Variants in EMCN observed in about 807,000 individuals in gnomAD.
EMCN encodes the protein endomucin, also known as MUC-14.
In EMCN, 37 loss-of-function variants were observed where a neutral mutation model predicts 38.4. That is an observed-to-expected ratio of 0.96 (90% CI 0.74 to 1.27). EMCN has a LOEUF of 1.27. Among genes scored for constraint, EMCN ranks in the 50% most tolerant of loss-of-function variants. The probability of loss-of-function intolerance (pLI) is 0.00; values close to 1 mark genes in which losing one functional copy is unlikely to be tolerated. For synonymous variants in EMCN, 95 were observed against 100.8 expected, an observed-to-expected ratio of 0.94 and a Z score of 0.35; for missense variants, 318 against 302.8, an observed-to-expected ratio of 1.05 and a Z score of -0.37.
At chr4:100,493,570 A>C (rs1411531818) in intron 1 of EMCN, among the ~76,000 whole-genome samples, 1 of 152,214 alleles carries the variant, frequency 6.6e-6, no homozygotes. Context: ...TGATTTACCC[A>C]TCTATGCTAC....
chr4:100,427,008 T>A (rs1727065591), intron 5 of EMCN, among the ~76,000 whole-genome samples: 1 of 152,112 alleles, frequency 6.6e-6, no homozygotes, highest in African/African-American at 2.4e-5. Flanking sequence ...ATTTTTTTTT[T>A]AGTTAAAAGA....
chr4:100,487,818 C>T (rs920966316), intron 1 of EMCN, among the ~76,000 whole-genome samples: 1 of 152,198 alleles, frequency 6.6e-6, no homozygotes, highest in Admixed American at 6.5e-5. Flanking sequence ...GTCCATTAAA[C>T]CTCTTTTCTT....
chr4:100,495,431 C>T (rs1368531741), intron 1 of EMCN, among the ~76,000 whole-genome samples: 2 of 151,962 alleles, frequency 1.3e-5, no homozygotes, highest in Non-Finnish European at 2.9e-5. Context: ...TCAATGCAGC[C>T]TCAATATACT....
chr4:100,490,181 A>C (rs1447904831), intron 1 of EMCN, among the ~76,000 whole-genome samples: 1 of 151,490 alleles, frequency 6.6e-6, no homozygotes, highest in Non-Finnish European at 1.5e-5. Flanking sequence ...AAGTAAAAAA[A>C]AAAAAAAAGA....
At chr4:100,450,013 A>G (rs934141471) in intron 4 of EMCN, among the ~76,000 whole-genome samples, 1 of 152,080 alleles carries the variant, frequency 6.6e-6, no homozygotes, top group African/African-American at 2.4e-5. Context: ...AAAGCTTAGT[A>G]AAGATGAATG....
At chr4:100,411,585 A>G (rs1368805672) in intron 10 of EMCN, among the ~76,000 whole-genome samples, 2 of 152,088 alleles carry the variant, frequency 1.3e-5, no homozygotes, top group South Asian at 2.1e-4. Context: ...ACACATATCT[A>G]GTGAAAAAAA....
intron 1 of EMCN, chr4:100,483,244 G>C (rs979275478): frequency 1.3e-5 from 2 of 152,086 alleles, no homozygotes; most frequent in Non-Finnish European, 2.9e-5. Flanking sequence ...GGCTCAAAAA[G>C]GGTAAACAGT....
intron 8 of EMCN, among the ~76,000 whole-genome samples, chr4:100,417,741 C>G (rs546824355): frequency 1.3e-5 from 2 of 152,250 alleles, no homozygotes; most frequent in Admixed American, 1.3e-4. Context: ...TAGAAAACAC[C>G]TGGGGTTTAG....
intron 10 of EMCN, among the ~76,000 whole-genome samples, chr4:100,411,636 T>G (rs1726556042): frequency 6.6e-6 from 1 of 152,216 alleles, no homozygotes; most frequent in Admixed American, 6.5e-5. Context: ...AGTGGTTGTA[T>G]GAAGATTGTT....
intron 1 of EMCN, among the ~76,000 whole-genome samples, chr4:100,480,805 A>T (rs1388605539): frequency 6.6e-6 from 1 of 151,962 alleles, no homozygotes; most frequent in Non-Finnish European, 1.5e-5. Context: ...AGGATTCTTA[A>T]AACTTCTATT....
chr4:100,456,974 T>G (rs1313669058), intron 4 of EMCN, among the ~76,000 whole-genome samples: 1 of 152,188 alleles, frequency 6.6e-6, no homozygotes. Flanking sequence ...TTATATATTT[T>G]CATGCTATAT....
intron 3 of EMCN, among the ~76,000 whole-genome samples, chr4:100,472,346 T>A (rs1230684076): frequency 6.6e-6 from 1 of 151,712 alleles, no homozygotes; most frequent in Non-Finnish European, 1.5e-5. Context: ...AAATAAAAAA[T>A]TATTTTATTA....
At chr4:100,423,582 A>C (rs376313585) in intron 5 of EMCN, among the ~76,000 whole-genome samples, 178 bp from the exon 6 acceptor site, 1 of 152,150 alleles carries the variant, frequency 6.6e-6, no homozygotes, top group South Asian at 2.1e-4. Flanking sequence ...TCCTGGAAAG[A>C]TAATTAAATT....
intron 5 of EMCN, among the ~76,000 whole-genome samples, chr4:100,424,420 T>G (rs1233573808): frequency 6.6e-6 from 1 of 152,062 alleles, no homozygotes; most frequent in Non-Finnish European, 1.5e-5. Context: ...TAGCTGACAC[T>G]AAGAGGCACT....
rs572588448 is a variant in EMCN, at chr4:100,415,963, T to C, written c.690-4A>G. ...GCTCTCTTTATCAGACTGAGGTCTATTTGAAAAAAAAAACATGAAATTAAC... is the reference window on the plus strand; with the variant it reads ...GCTCTCTTTATCAGACTGAGGTCTACTTGAAAAAAAAAACATGAAATTAAC... On this transcript the variant is annotated splice_polypyrimidine_tract_variant and splice_region_variant and intron_variant, in intron 9 of 11. Transcript: ENST00000296420. The C allele has an allele frequency of 6.3e-7, 1 of 1,577,872 alleles. No individual in the cohort carries two copies. The highest frequency in any genetic ancestry group is 8.6e-7 in the Non-Finnish European group (1 of 1,163,898).
intron 2 of EMCN, among the ~76,000 whole-genome samples, chr4:100,477,801 TTG>T (rs1242958286): frequency 2.6e-5 from 4 of 152,148 alleles, no homozygotes; most frequent in African/African-American, 9.7e-5. Flanking sequence ...ACCTTTTTTT[TTG>T]TATTATTGAG....
chr4:100,399,340 T>TA (rs1726193173), intron 11 of EMCN, among the ~76,000 whole-genome samples: 1 of 151,946 alleles, frequency 6.6e-6, no homozygotes, highest in African/African-American at 2.4e-5. Context: ...GAGAGCATGA[T>TA]ATGGTGTGTG....
intron 10 of EMCN, among the ~76,000 whole-genome samples, 193 bp downstream of exon 10, chr4:100,415,705 A>G (rs1326454088): frequency 6.6e-6 from 1 of 152,198 alleles, no homozygotes; most frequent in African/African-American, 2.4e-5. Context: ...TAAAGGCCAC[A>G]TAGTCCAATA....
intron 1 of EMCN, chr4:100,486,850 C>G: frequency 1.0e-6 from 1 of 985,396 alleles, no homozygotes; most frequent in Non-Finnish European, 1.2e-6. Flanking sequence ...AGGTAAATTG[C>G]CTACACTCAC....
Sources: allele counts gnomAD v4.1 joint callset (sites outside exome capture counted in the v4.1 genomes callset), GRCh38; gene constraint gnomAD v4.1.1; transcripts MANE v1.5; gene names NCBI Gene and HGNC (gene_info 2026-07-23, HGNC 2026-07-21).